KDM4B: variants seen among roughly 807,000 people sequenced by gnomAD.
KDM4B encodes lysine demethylase 4B.
Under a neutral mutation model 125.2 loss-of-function variants are expected in KDM4B, and 32 were observed. That is an observed-to-expected ratio of 0.26 (90% CI 0.19 to 0.34). KDM4B has a LOEUF of 0.34. Ranked by LOEUF, KDM4B falls within the 10% of genes least tolerant of loss-of-function variation. KDM4B has a pLI of 1.00. For missense variants in KDM4B, 1,190 were observed against 1,577.7 expected (o/e 0.75, Z 4.16); for synonymous variants, 721 against 677.9 (o/e 1.06, Z -0.99).
intron 9 of KDM4B, among the ~76,000 whole-genome samples, chr19:5,083,122 G>A (rs986911617): frequency 2.0e-5 from 3 of 152,200 alleles, no homozygotes; most frequent in African/African-American, 7.2e-5. Flanking sequence ...TTTTTCTGGT[G>A]ATTCTCGTTC....
At chr19:5,101,642 G>A (rs1221306171) in intron 9 of KDM4B, among the ~76,000 whole-genome samples, 1 of 152,014 alleles carries the variant, frequency 6.6e-6, no homozygotes, top group Non-Finnish European at 1.5e-5. Context: ...TGCTTTACCC[G>A]GGGAGGTCTG....
rs138773325 is a variant in KDM4B at position 5,055,477 on chromosome 19, C to T, written c.626+7808C>T. On this transcript the variant is annotated intron_variant, in intron 6 of 22. Coordinates refer to ENST00000159111, the MANE Select transcript of KDM4B (RefSeq NM_015015.3). The stretch of plus-strand genomic sequence containing the variant: ...CTTCCGGTGTTTGGATGGTCGATTG[C>T]CCTGTGTGTGTCTGGACAGCAGGCA... Among the ~76,000 whole-genome samples the T allele has an allele frequency of 1.5e-3, 231 of 152,354 alleles. 2 individuals carry two copies. The highest frequency in any genetic ancestry group is 5.3e-3 in the African/African-American group (221 of 41,586).
Position 5,114,214 on chromosome 19 carries a change from T to G in KDM4B, c.1115+3396T>G. 1 of 1,289,574 alleles carries G rather than the reference T, an allele frequency of 7.8e-7. No individual in the cohort carries two copies. Among genetic ancestry groups the G allele is most frequent in the Non-Finnish European group, 1.0e-6 (1 of 988,812 alleles). The allele number at this position is 1,289,574 out of a possible 1,614,324, so 79.9% of individuals were successfully genotyped here. ...CGCGAGAAGCGCCATGTGCACGTGC[T>G]CCAGCAGGTACGCGCTCCCTGCAGG... On this transcript the variant is annotated intron_variant, in intron 10 of 22. Coordinates refer to ENST00000159111, the MANE Select transcript of KDM4B (RefSeq NM_015015.3). The surrounding 1 kb of genome is among the most constrained non-coding windows in gnomAD (Gnocchi z 5.8).
In KDM4B at chr19:5,134,177, G is replaced by A. The variant is rs2039608404; in HGVS notation, c.2085+116G>A. On this transcript the variant is annotated intron_variant, in intron 14 of 22. Transcript: ENST00000159111. ...CTCACGCAGGGCAGGGTGTTGGCCA[G>A]CACCCCGAGTTGTGAGGGCTTGTTC... 10 of 989,142 alleles carry A rather than the reference G, an allele frequency of 1.0e-5. No individual in the cohort carries two copies. The South Asian group carries it at 1.5e-4, about 15-fold the overall frequency. 61.3% of individuals were successfully genotyped at this position (989,142 alleles called of 1,614,324 possible). A position where few individuals can be genotyped will look rare whatever the true frequency, so the allele number is the denominator to read the frequency against.
chr19:5,066,093 G>A (rs550115650), intron 6 of KDM4B, among the ~76,000 whole-genome samples: 84 of 152,360 alleles, frequency 5.5e-4, no homozygotes, highest in Middle Eastern at 3.4e-3. Flanking sequence ...ACTCATGTGT[G>A]TCAGGCCGCG....
rs1568228986 is a variant in KDM4B at position 5,016,290 on chromosome 19, T to C, written c.-75T>C. 6.6e-6 allele frequency: 1 copy of C among 152,200 alleles called. No individual in the cohort carries two copies. The highest frequency in any genetic ancestry group is 1.9e-4 in the East Asian group (1 of 5,190). 9.4% of individuals were successfully genotyped at this position (152,200 alleles called of 1,614,324 possible). On this transcript the variant is annotated 5_prime_UTR_variant, in exon 2 of 23. Coordinates refer to ENST00000159111, the MANE Select transcript of KDM4B (RefSeq NM_015015.3). The stretch of plus-strand genomic sequence containing the variant: ...ACTGTTGCTGGAGGCACCTGACAAA[T>C]CCTAGCGAATTTTTGGAGCATCTCC...
At chr19:4,993,468 TCTC>T (rs1196109405) in intron 1 of KDM4B, among the ~76,000 whole-genome samples, 2 of 152,100 alleles carry the variant, frequency 1.3e-5, no homozygotes, top group African/African-American at 4.8e-5. Context: ...TTGAATTACT[TCTC>T]CTTTTATTTC....
At chr19:5,109,280 C>T (rs1365655235) in intron 9 of KDM4B, among the ~76,000 whole-genome samples, 1 of 152,216 alleles carries the variant, frequency 6.6e-6, no homozygotes, top group African/African-American at 2.4e-5. Flanking sequence ...TTCCTGGCCG[C>T]CTCCTGGGAT....
intron 1 of KDM4B, among the ~76,000 whole-genome samples, chr19:5,015,934 C>A (rs1224726210): frequency 6.6e-6 from 1 of 152,192 alleles, no homozygotes; most frequent in Non-Finnish European, 1.5e-5. Context: ...AGCAAAACTT[C>A]TTGAAAATCT....
At position 5,145,735 on chromosome 19, in the gene KDM4B, G is replaced by A. The variant is rs189699949; in HGVS notation, c.3021+833G>A. Among the ~76,000 whole-genome samples, 19 of 152,294 alleles carry A rather than the reference G, an allele frequency of 1.2e-4. 1 individual carries two copies. The highest frequency in any genetic ancestry group is 9.8e-4 in the Admixed American group (15 of 15,298). On this transcript the variant is annotated intron_variant, in intron 21 of 22. Transcript: ENST00000159111. ...TGGCTCGAGGCTCCCGGGAGGAGGC[G>A]ACAGCTTGTCTCTTCCAGTCACATC...
At chr19:5,101,785 G>A (rs1016004108) in intron 9 of KDM4B, among the ~76,000 whole-genome samples, 17 of 152,174 alleles carry the variant, frequency 1.1e-4, no homozygotes, top group Non-Finnish European at 2.2e-4. Flanking sequence ...GGGATACCTG[G>A]GTGGGCTGTT....
intron 17 of KDM4B, 93 bp downstream of exon 17, chr19:5,137,769 G>A: frequency 8.1e-7 from 1 of 1,240,732 alleles, no homozygotes; most frequent in South Asian, 1.4e-5. Flanking sequence ...CCTAGGGGTT[G>A]ACCATCACCT....
chr19:5,134,038 A>T lies in KDM4B; in HGVS notation c.2062A>T (p.Thr688Ser). The change falls in exon 14 of 23, where the codon ACG becomes TCG. Residue 688 changes from threonine to serine, a missense_variant. Transcript: ENST00000159111. ...ARTEPYCAIC[T>S]LFYPYCQALQ... ...CACGGAGCCCTACTGCGCCATCTGC[A>T]CGCTCTTCTACCCCTACTGCCAGGT... The T allele has an allele frequency of 6.2e-7, 1 of 1,604,494 alleles. No individual in the cohort carries two copies. Among genetic ancestry groups the T allele is most frequent in the Non-Finnish European group, 8.5e-7 (1 of 1,176,582 alleles).
rs2039736929 is a variant in KDM4B, at chr19:5,141,243, CAGTGGGT to C, written c.2551-2723_2551-2717del. 1 of 152,156 alleles carries C rather than the reference CAGTGGGT, an allele frequency of 6.6e-6. No homozygotes were observed. Among genetic ancestry groups the C allele is most frequent in the Non-Finnish European group, 1.5e-5 (1 of 68,016 alleles). The allele number at this position is 152,156 out of a possible 1,614,324, so 9.4% of individuals were successfully genotyped here. A position where few individuals can be genotyped will look rare whatever the true frequency, so the allele number is the denominator to read the frequency against. On this transcript the variant is annotated intron_variant, in intron 18 of 22. Transcript: ENST00000159111. This position sits in a 1 kb window ranked among gnomAD's most constrained non-coding sequence, Gnocchi z 6.4. ...TTCCTTGTTCGTGGAGTGGAGTGTG[CAGTGGGT>C]CACGCCGGCCTGGCCGGGCACGGCC...
intron 5 of KDM4B, among the ~76,000 whole-genome samples, chr19:5,046,189 G>A (rs1185738899): frequency 6.6e-6 from 1 of 152,246 alleles, no homozygotes; most frequent in Non-Finnish European, 1.5e-5. Flanking sequence ...TGCCAGCCCA[G>A]GCCGACCTGC....
chr19:5,021,572 C>A (rs2036120862), intron 2 of KDM4B, among the ~76,000 whole-genome samples: 1 of 148,940 alleles, frequency 6.7e-6, no homozygotes, highest in Non-Finnish European at 1.5e-5. Context: ...GACCCTGTTT[C>A]AAAAAATAAA....
intron 11 of KDM4B, among the ~76,000 whole-genome samples, chr19:5,123,699 T>C (rs942788122): frequency 6.6e-6 from 1 of 152,164 alleles, no homozygotes; most frequent in Non-Finnish European, 1.5e-5. Flanking sequence ...GTTTGGGAAA[T>C]CCTCAGAAAT....
At chr19:4,974,062 C>T (rs1390331136) in intron 1 of KDM4B, among the ~76,000 whole-genome samples, 2 of 151,800 alleles carry the variant, frequency 1.3e-5, no homozygotes, top group Non-Finnish European at 2.9e-5. Context: ...GATCCTGCCA[C>T]TGCACTCCAG....
At chr19:4,978,493 TGAGACTCTGTCTCAAAAAAAA>T (rs1233496411) in intron 1 of KDM4B, among the ~76,000 whole-genome samples, 1 of 108,342 alleles carries the variant, frequency 9.2e-6, no homozygotes, top group African/African-American at 3.9e-5. Context: ...CACAATGGAG[TGAGACTCTGTCTCAAAAAAAA>T]AAAAAAAAAA....
Sources: gnomAD v4.1 joint callset for allele counts (sites outside exome capture counted in the v4.1 genomes callset) on GRCh38, gnomAD v4.1.1 for gene constraint, Gnocchi (gnomAD v3.1) non-coding constraint, MANE v1.5 for transcripts, NCBI Gene and HGNC (gene_info 2026-07-23, HGNC 2026-07-21) for gene names.